Variants in TTC23L observed in about 807,000 individuals in gnomAD.
TTC23L encodes tetratricopeptide repeat protein 23-like.
Under a neutral mutation model 48.1 loss-of-function variants are expected in TTC23L, and 42 were observed. The observed-to-expected ratio is 0.87, with a 90% CI of 0.68 to 1.13. The LOEUF (loss-of-function observed/expected upper bound fraction) is 1.13, where lower values mean the gene tolerates loss of function less well. TTC23L is among the 50% of genes most tolerant of loss of function. The pLI, the probability that TTC23L is intolerant of heterozygous loss-of-function variation, is 0.00. For missense variants in TTC23L, 391 were observed against 421.0 expected, an observed-to-expected ratio of 0.93 and a Z score of 0.62; for synonymous variants, 159 against 157.2, an observed-to-expected ratio of 1.01 and a Z score of -0.09.
At chr5:34,913,512 G>A in the TTC23L span, 5 of 1,602,706 alleles carry the variant, frequency 3.1e-6, no homozygotes, top group Non-Finnish European at 4.3e-6. Flanking sequence ...CAGTCTAAAA[G>A]GACAGTTAAA....
chr5:34,917,981 T>C, the TTC23L span: 5 of 154,992 alleles, frequency 3.2e-5, no homozygotes, highest in Admixed American at 3.3e-4. Flanking sequence ...GGAGTCAGGA[T>C]GGTTTGACTT....
chr5:34,855,710 A>G (rs1760073117), intron 4 of TTC23L, among the ~76,000 whole-genome samples: 2 of 152,244 alleles, frequency 1.3e-5, no homozygotes, highest in African/African-American at 4.8e-5. Context: ...AGGAATCTCT[A>G]TATCCTTCTA....
At chr5:34,893,814 G>A (rs1006293408) in intron 9 of TTC23L, among the ~76,000 whole-genome samples, 3 of 149,534 alleles carry the variant, frequency 2.0e-5, no homozygotes, top group Admixed American at 6.7e-5. Flanking sequence ...TAGGAAATCA[G>A]AGGACAAAGT....
intron 4 of TTC23L, among the ~76,000 whole-genome samples, chr5:34,852,824 C>T (rs1431943724): frequency 6.6e-6 from 1 of 152,100 alleles, no homozygotes; most frequent in Non-Finnish European, 1.5e-5. Flanking sequence ...TATGGATTCA[C>T]AGTTTCATGT....
chr5:34,850,236 AT>A lies in TTC23L; in HGVS notation c.312del (p.Phe104LeufsTer15). On this transcript the variant is annotated frameshift_variant, in exon 4 of 11. Coordinates refer to ENST00000505624, the Ensembl canonical transcript of TTC23L. LOFTEE classifies it high-confidence loss of function. ...TCGATGTGTCATCCTTTCTCGGATT[AT>A]TTTTGGGGACCATCACTGGAAATGT... 6.2e-7 allele frequency: 1 copy of A among 1,613,906 alleles called. No individual in the cohort carries two copies. The highest frequency in any genetic ancestry group is 8.5e-7 in the Non-Finnish European group (1 of 1,179,838).
At chr5:34,864,645 CA>C (rs1361695436) in intron 6 of TTC23L, 83 bp downstream of exon 6, 14 of 1,429,244 alleles carry the variant, frequency 9.8e-6, no homozygotes, top group Admixed American at 9.5e-5. Context: ...ATATTTAGAG[CA>C]AAAAAACCCA....
intron 4 of TTC23L, among the ~76,000 whole-genome samples, chr5:34,854,180 A>G (rs1223844409): frequency 6.6e-6 from 1 of 152,246 alleles, no homozygotes; most frequent in Non-Finnish European, 1.5e-5. Context: ...GCATGAATAG[A>G]GAACTACGTT....
At chr5:34,914,550 T>A in the TTC23L span, 1 of 754,872 alleles carries the variant, frequency 1.3e-6, no homozygotes, top group Non-Finnish European at 2.1e-6. Context: ...AACTTAAGAC[T>A]ATTATTTATT....
At chr5:34,902,452 T>C (rs1763531992), downstream of TTC23L, 2 of 343,592 alleles carry the variant, frequency 5.8e-6, no homozygotes, top group Admixed American at 2.8e-5. Flanking sequence ...TCAAAGACCC[T>C]GTGTCTTTGG....
the TTC23L span, chr5:34,922,310 TG>T: frequency 7.0e-7 from 1 of 1,427,206 alleles, no homozygotes; most frequent in Non-Finnish European, 9.8e-7. Context: ...ATTAAGATTT[TG>T]GTTAAACTCA....
At chr5:34,887,437 T>C (rs1762609158) in intron 9 of TTC23L, among the ~76,000 whole-genome samples, 2 of 152,084 alleles carry the variant, frequency 1.3e-5, no homozygotes, top group Admixed American at 6.5e-5. Flanking sequence ...AAAATTCAAA[T>C]CCACACTGAA....
chr5:34,902,877 A>G (rs1437182524), downstream of TTC23L, among the ~76,000 whole-genome samples: 2 of 152,060 alleles, frequency 1.3e-5, no homozygotes, highest in Non-Finnish European at 2.9e-5. Context: ...TCCCCAGAAT[A>G]TTCTGAATTG....
intron 7 of TTC23L, chr5:34,868,133 G>A (rs917326629): frequency 3.3e-5 from 5 of 152,266 alleles, no homozygotes; most frequent in East Asian, 1.9e-4. Context: ...GAAAACTGAC[G>A]CACAGAGTTA....
intron 8 of TTC23L, among the ~76,000 whole-genome samples, chr5:34,879,628 C>G (rs929001296): frequency 6.6e-6 from 1 of 152,040 alleles, no homozygotes; most frequent in East Asian, 1.9e-4. Context: ...CAGACAGAAG[C>G]TTTCTTTTTT....
intron 9 of TTC23L, among the ~76,000 whole-genome samples, chr5:34,894,952 T>C (rs1376689425): frequency 6.6e-5 from 10 of 151,886 alleles, no homozygotes. Context: ...TGATTGCAGA[T>C]GGAAAGGGAA....
At chr5:34,918,078 A>C in the TTC23L span, 1 of 212,070 alleles carries the variant, frequency 4.7e-6, no homozygotes, top group South Asian at 1.6e-4. Context: ...TTGGGAGGCC[A>C]AGCCACTTGA....
chr5:34,852,637 A>G (rs1456184057), intron 4 of TTC23L, among the ~76,000 whole-genome samples: 1 of 152,176 alleles, frequency 6.6e-6, no homozygotes, highest in East Asian at 1.9e-4. Context: ...TTAGTGCCCC[A>G]TTCAGTATGG....
chr5:34,908,511 C>T, the TTC23L span: 1 of 301,858 alleles, frequency 3.3e-6, no homozygotes, highest in East Asian at 5.6e-5. Flanking sequence ...CAATTATTCC[C>T]ATGAGTTCAA....
the TTC23L span, chr5:34,911,833 A>G: frequency 6.2e-7 from 1 of 1,612,618 alleles, no homozygotes; most frequent in East Asian, 2.2e-5. Context: ...AAGAAGTCAT[A>G]CTTGGCCTTA....
Sources: allele counts gnomAD v4.1 joint callset (sites outside exome capture counted in the v4.1 genomes callset), GRCh38; gene constraint gnomAD v4.1.1; transcripts MANE v1.5; gene names NCBI Gene and HGNC (gene_info 2026-07-23, HGNC 2026-07-21).